CHM: variants seen among roughly 807,000 people sequenced by gnomAD.
CHM encodes CHM Rab escort protein, also known as rab proteins geranylgeranyltransferase component A 1.
A neutral mutation model predicts 49.0 loss-of-function variants in CHM; 10 were observed. The ratio of observed to expected loss-of-function variants is 0.20; its 90% confidence interval spans 0.13 to 0.35. The LOEUF (loss-of-function observed/expected upper bound fraction) is 0.35. CHM is among the 10% of genes least tolerant of loss of function. The pLI, the probability that CHM is intolerant of heterozygous loss-of-function variation, is 1.00. For missense variants in CHM, 455 were observed against 478.4 expected, an observed-to-expected ratio of 0.95 and a Z score of 0.46; for synonymous variants, 184 against 167.5, an observed-to-expected ratio of 1.10 and a Z score of -0.76.
At chrX:85,865,348 A>G (rs1482894793) in intron 14 of CHM, among the ~76,000 whole-genome samples, 1 of 111,603 alleles carries the variant, frequency 9.0e-6, no homozygotes, top group African/African-American at 3.3e-5. Context: ...TTCTCCTGCC[A>G]CCATGTGAGA....
chrX:86,022,464 G>A (rs1485763496), intron 2 of CHM, among the ~76,000 whole-genome samples: 1 of 110,826 alleles, frequency 9.0e-6, no homozygotes, highest in Non-Finnish European at 1.9e-5. Context: ...GAGTGAAGTC[G>A]CCATATATGA....
At chrX:85,975,303 G>A in intron 4 of CHM, among the ~76,000 whole-genome samples, 1 of 112,074 alleles carries the variant, frequency 8.9e-6, no homozygotes, top group Non-Finnish European at 1.9e-5. Flanking sequence ...TTATCCCAGA[G>A]AAATGAAAAC....
At chrX:85,894,403 A>C (rs1444121219) in intron 11 of CHM, 119 bp from the exon 12 acceptor site, 1 of 517,424 alleles carries the variant, frequency 1.9e-6, no homozygotes, top group African/African-American at 2.3e-5. Flanking sequence ...GTCTGAAAAA[A>C]ATATGGCTTG....
intron 2 of CHM, among the ~76,000 whole-genome samples, chrX:86,021,114 ATGTGTATATACG>A (rs1196450433): frequency 1.2e-4 from 8 of 66,593 alleles, no homozygotes; most frequent in Non-Finnish European, 2.2e-4. Flanking sequence ...ACGTATATAT[ATGTGTATATACG>A]TATATATATA....
intron 1 of CHM, among the ~76,000 whole-genome samples, chrX:86,033,636 A>C (rs1934123081): frequency 8.9e-6 from 1 of 112,257 alleles, no homozygotes; most frequent in Admixed American, 9.4e-5. Flanking sequence ...CTGAATTTCA[A>C]CCCAGGTTTA....
At chrX:86,034,139 G>C (rs1384700416) in intron 1 of CHM, among the ~76,000 whole-genome samples, 2 of 111,499 alleles carry the variant, frequency 1.8e-5, no homozygotes, top group African/African-American at 6.5e-5. Flanking sequence ...CTGGAATTCA[G>C]ATTCCTTATA....
intron 2 of CHM, among the ~76,000 whole-genome samples, chrX:85,987,928 A>G (rs1477670603): frequency 8.9e-6 from 1 of 112,071 alleles, no homozygotes; most frequent in Non-Finnish European, 1.9e-5. Flanking sequence ...ATTCTACCAG[A>G]TGCACAAAAG....
At chrX:86,022,775 A>AC (rs1329811053) in intron 2 of CHM, among the ~76,000 whole-genome samples, 1 of 111,068 alleles carries the variant, frequency 9.0e-6, no homozygotes, top group Non-Finnish European at 1.9e-5. Context: ...GGATCTCTTC[A>AC]CCAAGGTATG....
At chrX:85,967,002 C>T (rs1004872735) in intron 4 of CHM, among the ~76,000 whole-genome samples, 5 of 112,002 alleles carry the variant, frequency 4.5e-5, no homozygotes, top group African/African-American at 1.6e-4. Flanking sequence ...AATAAACTAT[C>T]GTTTTACTGT....
chrX:86,037,869 T>A, intron 1 of CHM, among the ~76,000 whole-genome samples: 1 of 111,255 alleles, frequency 9.0e-6, no homozygotes, highest in Non-Finnish European at 1.9e-5. Flanking sequence ...GCACTAACAG[T>A]TGTTGAAGAC....
intron 5 of CHM, 117 bp from the exon 6 acceptor site, chrX:85,959,094 A>T (rs1431252190): frequency 2.3e-6 from 2 of 880,200 alleles, no homozygotes; most frequent in Non-Finnish European, 3.2e-6. Flanking sequence ...TCATACCTAT[A>T]AATATTATAA....
chrX:86,043,409 C>T (rs1029554833), intron 1 of CHM, among the ~76,000 whole-genome samples: 1 of 100,964 alleles, frequency 9.9e-6, no homozygotes, highest in African/African-American at 3.6e-5. Context: ...AGCAATAAAA[C>T]TTTTTTTTTT....
chrX:85,960,584 C>G (rs1263797925), intron 5 of CHM, among the ~76,000 whole-genome samples: 1 of 110,204 alleles, frequency 9.1e-6, no homozygotes, highest in African/African-American at 3.3e-5. Flanking sequence ...ATGCCACGCC[C>G]AGCTAATTTT....
intron 12 of CHM, among the ~76,000 whole-genome samples, chrX:85,887,223 C>T (rs932577247): frequency 1.2e-4 from 13 of 110,232 alleles, no homozygotes; most frequent in South Asian, 3.9e-4. Flanking sequence ...ATGGACCCAG[C>T]GGGAGGTAAC....
At chrX:85,892,645 AC>A (rs1208121665) in intron 12 of CHM, among the ~76,000 whole-genome samples, 1 of 111,020 alleles carries the variant, frequency 9.0e-6, no homozygotes, top group African/African-American at 3.3e-5. Context: ...ATGAAAAGGG[AC>A]TAATACACTA....
At chrX:85,908,484 T>C (rs1926739361) in intron 9 of CHM, among the ~76,000 whole-genome samples, 1 of 111,979 alleles carries the variant, frequency 8.9e-6, no homozygotes, top group Non-Finnish European at 1.9e-5. Context: ...ACTGAAGGTA[T>C]AAATATGAAC....
At chrX:86,038,149 A>C (rs1671299649) in intron 1 of CHM, among the ~76,000 whole-genome samples, 1 of 111,930 alleles carries the variant, frequency 8.9e-6, no homozygotes, top group Non-Finnish European at 1.9e-5. Flanking sequence ...CTATTCCTAA[A>C]TAAGATCACT....
rs755460793 is a variant in CHM, at chrX:85,913,014, GAAAAAAAAA to G, written c.1167-1685_1167-1677del. On this transcript the variant is annotated intron_variant, in intron 8 of 14. Coordinates refer to ENST00000357749, the MANE Select transcript of CHM (RefSeq NM_000390.4). Reference sequence around the variant, plus strand: ...GGTGACAGAGTGAGACTCCATCTCAGAAAAAAAAAAAAAAAAAAAAAAAAAGGAAAGAAA... The same window carrying G: ...GGTGACAGAGTGAGACTCCATCTCAGAAAAAAAAAAAAAAAAGGAAAGAAA... Among the ~76,000 whole-genome samples the G allele has an allele frequency of 1.0e-4, 4 of 38,246 alleles. No homozygotes were observed. The South Asian group carries it at 9.2e-3, about 88-fold the overall frequency. The allele number at this position is 38,246 out of a possible 115,157, so 33.2% of individuals were successfully genotyped here.
intron 1 of CHM, among the ~76,000 whole-genome samples, chrX:86,041,452 C>T (rs914539606): frequency 7.3e-5 from 8 of 110,099 alleles, no homozygotes; most frequent in Non-Finnish European, 1.3e-4. Context: ...ACGCTGACAA[C>T]GGAGTGTTTC....
Sources: gnomAD v4.1 joint callset for allele counts (sites outside exome capture counted in the v4.1 genomes callset) on GRCh38, gnomAD v4.1.1 for gene constraint, MANE v1.5 for transcripts, NCBI Gene and HGNC (gene_info 2026-07-23, HGNC 2026-07-21) for gene names.